The following PIK3AP1 variants were observed in gnomAD, a reference collection of about 807,000 sequenced individuals.
PIK3AP1 encodes the protein phosphoinositide-3-kinase adaptor protein 1.
Under a neutral mutation model 88.1 loss-of-function variants are expected in PIK3AP1, and 21 were observed. The ratio of observed to expected loss-of-function variants is 0.24; its 90% CI spans 0.17 to 0.34. PIK3AP1 has a LOEUF of 0.34. PIK3AP1 is among the 10% of genes least tolerant of loss of function. The pLI is 1.00. For missense variants in PIK3AP1, 828 were observed against 1,035.7 expected (o/e 0.80, Z 2.75); for synonymous variants, 398 against 400.0 (o/e 1.00, Z 0.06).
At chr10:96,632,778 C>A in intron 8 of PIK3AP1, 1 of 1,368,114 alleles carries the variant, frequency 7.3e-7, no homozygotes, top group Non-Finnish European at 1.0e-6. Flanking sequence ...ATTAGGATCG[C>A]AATGCATAGG....
chr10:96,681,150 A>C (rs535198), intron 2 of PIK3AP1, among the ~76,000 whole-genome samples: 17,000 of 151,966 alleles, frequency 0.11, 1,541 homozygotes, highest in African/African-American at 0.22. Flanking sequence ...CTGGCTTCTC[A>C]CTCTGTCCTC....
At chr10:96,599,934 T>C (rs961085316) in intron 16 of PIK3AP1, among the ~76,000 whole-genome samples, 3 of 152,234 alleles carry the variant, frequency 2.0e-5, no homozygotes, top group East Asian at 1.9e-4. Context: ...TCCTAGTTTC[T>C]ATCCTTTAAT....
chr10:96,663,828 C>T (rs750117261), intron 2 of PIK3AP1, among the ~76,000 whole-genome samples: 3 of 152,134 alleles, frequency 2.0e-5, no homozygotes, highest in Non-Finnish European at 4.4e-5. Context: ...AAACAAATAT[C>T]ATTCATTCTC....
At position 96,660,637 on chromosome 10, in the gene PIK3AP1, C is replaced by T. The variant is rs137993641; in HGVS notation, c.431-3703G>A. On this transcript the variant is annotated intron_variant, in intron 2 of 16. Transcript: ENST00000339364. ...CTAAACACAAGCTTACTAAACAATC[C>T]AGCAATCATGCTCCTCAGTATTTAC... Among the ~76,000 whole-genome samples, 80 of 152,296 alleles carry T rather than the reference C, an allele frequency of 5.3e-4. 2 individuals carry two copies. The East Asian group carries it at 0.013, about 24-fold the overall frequency.
intron 3 of PIK3AP1, among the ~76,000 whole-genome samples, chr10:96,653,727 A>C (rs945870898): frequency 2.0e-5 from 3 of 152,066 alleles, no homozygotes; most frequent in African/African-American, 7.2e-5. Flanking sequence ...ACCTCAGGTG[A>C]TCTGTCTGCC....
intron 1 of PIK3AP1, among the ~76,000 whole-genome samples, chr10:96,717,471 AT>A (rs763311089): frequency 2.0e-5 from 3 of 152,162 alleles, no homozygotes; most frequent in Admixed American, 6.5e-5. Context: ...GATGTGGTCA[AT>A]CATATCAGGA....
At position 96,652,547 on chromosome 10, in the gene PIK3AP1, T is replaced by C. The variant is rs928926447; in HGVS notation, c.712+151A>G. On this transcript the variant is annotated intron_variant, in intron 4 of 16. Coordinates refer to ENST00000339364, the MANE Select transcript of PIK3AP1 (RefSeq NM_152309.3). Reference sequence around the variant, plus strand: ...GAGATCATGCCACTGCACTCCAGCCTGGGAGACAGAGCGAGACTCTGTCTC... The same window carrying C: ...GAGATCATGCCACTGCACTCCAGCCCGGGAGACAGAGCGAGACTCTGTCTC... 1.5e-5 allele frequency: 14 copies of C among 933,666 alleles called. No homozygotes were observed. The African/African-American group carries it at 1.8e-4, about 12-fold the overall frequency. The allele number at this position is 933,666 out of a possible 1,614,324, so 57.8% of individuals were successfully genotyped here. A position where few individuals can be genotyped will look rare whatever the true frequency, so the allele number is the denominator to read the frequency against.
chr10:96,604,969 C>T (rs888424879), intron 14 of PIK3AP1, among the ~76,000 whole-genome samples: 1 of 152,192 alleles, frequency 6.6e-6, no homozygotes, highest in Non-Finnish European at 1.5e-5. Flanking sequence ...AATGGATTCT[C>T]CTGCCTCAGC....
In PIK3AP1 at chr10:96,653,380, G is replaced by A. The variant is rs80027977; in HGVS notation, c.568-538C>T. ...AGATCACACCACTGCACTCCAGCCT[G>A]GGCAACAGAGGCAAGGCTCTGTCTC... On this transcript the variant is annotated intron_variant, in intron 3 of 16. Transcript: ENST00000339364. 3.4e-5 allele frequency among the ~76,000 whole-genome samples: 5 copies of A among 146,616 alleles called. No homozygotes were observed. In the East Asian group the frequency reaches 5.9e-4, roughly 17 times the overall value.
chr10:96,603,786 C>T, intron 15 of PIK3AP1, 193 bp downstream of exon 15: 2 of 547,770 alleles, frequency 3.7e-6, no homozygotes, highest in Non-Finnish European at 6.4e-6. Flanking sequence ...TCTTCCCATT[C>T]CTCCTCCCTC....
chr10:96,657,762 C>A (rs1252970197), intron 2 of PIK3AP1, among the ~76,000 whole-genome samples: 1 of 151,910 alleles, frequency 6.6e-6, no homozygotes, highest in African/African-American at 2.4e-5. Flanking sequence ...GGACAGAATC[C>A]CAAAATGGTT....
intron 1 of PIK3AP1, among the ~76,000 whole-genome samples, chr10:96,710,938 A>G (rs1003255195): frequency 6.6e-6 from 1 of 152,232 alleles, no homozygotes; most frequent in Non-Finnish European, 1.5e-5. Context: ...TCACATGAAT[A>G]TAAATAATGT....
At chr10:96,636,324 C>T (rs1010425735) in intron 8 of PIK3AP1, among the ~76,000 whole-genome samples, 7 of 152,180 alleles carry the variant, frequency 4.6e-5, no homozygotes, top group African/African-American at 1.7e-4. Context: ...TTAAAATGCT[C>T]TTTTCCATAC....
At chr10:96,665,665 C>T (rs557852005) in intron 2 of PIK3AP1, among the ~76,000 whole-genome samples, 2 of 152,206 alleles carry the variant, frequency 1.3e-5, no homozygotes, top group East Asian at 1.9e-4. Flanking sequence ...TGAATGACCA[C>T]GTTATAAAGG....
At chr10:96,600,033 C>T (rs1848859406) in intron 16 of PIK3AP1, among the ~76,000 whole-genome samples, 1 of 152,144 alleles carries the variant, frequency 6.6e-6, no homozygotes, top group Non-Finnish European at 1.5e-5. Context: ...TTAAACTTGA[C>T]AACTCTTTTA....
intron 2 of PIK3AP1, among the ~76,000 whole-genome samples, chr10:96,658,216 C>A (rs990284924): frequency 6.6e-6 from 1 of 152,146 alleles, no homozygotes; most frequent in Non-Finnish European, 1.5e-5. Context: ...CAGACACTAA[C>A]CCTGCCTTCA....
chr10:96,602,313 G>A lies in PIK3AP1; in HGVS notation c.2327C>T (p.Pro776Leu), dbSNP rs773937060. The change falls in exon 16 of 17, where the codon CCC becomes CTC. Residue 776 changes from proline (P) to leucine (L), a missense_variant. Physicochemically the swap from Pro to Leu is moderately conservative, Grantham distance 98. Transcript: ENST00000339364. ...GGCAGCTCTCGGAGGCACCCTGGGG[G>A]GTCTCTCGAGGGACATGGTGGGTGT... is the stretch of plus-strand genomic sequence containing the variant. ...DGTPTMSLER[P>L]PRVPPRAASQ... 7 of 1,607,450 alleles carry A rather than the reference G, an allele frequency of 4.4e-6. No homozygotes were observed. In the South Asian group the frequency reaches 7.8e-5, roughly 18 times the overall value.
At chr10:96,712,691 T>TTA in intron 1 of PIK3AP1, among the ~76,000 whole-genome samples, 1 of 152,378 alleles carries the variant, frequency 6.6e-6, no homozygotes, top group Admixed American at 6.5e-5. Flanking sequence ...GCAAACGTTC[T>TTA]TCTAAGTGTC....
At chr10:96,699,216 G>A (rs1844261864) in intron 2 of PIK3AP1, among the ~76,000 whole-genome samples, 1 of 152,030 alleles carries the variant, frequency 6.6e-6, no homozygotes, top group Non-Finnish European at 1.5e-5. Flanking sequence ...ATTATTAACT[G>A]ATAGATGGCT....
Sources: allele counts gnomAD v4.1 joint callset (sites outside exome capture counted in the v4.1 genomes callset), GRCh38; gene constraint gnomAD v4.1.1; transcripts MANE v1.5; gene names NCBI Gene and HGNC (gene_info 2026-07-23, HGNC 2026-07-21).